ABHD15: variants seen among roughly 807,000 people sequenced by gnomAD.
The protein encoded by ABHD15 is protein ABHD15.
ABHD15 carries 34 observed loss-of-function variants against 34.4 expected under a neutral mutation model. That is an observed-to-expected ratio of 0.99 (90% CI 0.75 to 1.32). The LOEUF (loss-of-function observed/expected upper bound fraction) is 1.32. Ranked by LOEUF, ABHD15 falls within the 40% of genes most tolerant of loss-of-function variation. The probability of loss-of-function intolerance (pLI) is 0.00; values close to 1 mark genes in which losing one functional copy is unlikely to be tolerated. For synonymous variants in ABHD15, 314 were observed against 299.2 expected, an observed-to-expected ratio of 1.05 and a Z score of -0.51; for missense variants, 644 against 650.4, an observed-to-expected ratio of 0.99 and a Z score of 0.11.
rs368102267 is a variant in ABHD15 at position 29,562,731 on chromosome 17, G to C, written c.1237C>G (p.Arg413Gly). 5 of 1,614,154 alleles carry C rather than the reference G, an allele frequency of 3.1e-6. No homozygotes were observed. Among genetic ancestry groups the C allele is most frequent in the Non-Finnish European group, 4.2e-6 (5 of 1,180,018 alleles). ...WSHEVILESF[R>G]ALTEFFRTEE... ...GTTCGGAAGAACTCAGTCAAGGCCC[G>C]GAAGGACTCCAAGATGACCTCATGG... is the stretch of plus-strand genomic sequence containing the variant. Residue 413 changes from arginine to glycine, a missense_variant, in exon 2 of 2, where the codon CGG becomes GGG. Physicochemically the swap from Arg to Gly is moderately radical, Grantham distance 125. Coordinates refer to ENST00000307201, the MANE Select transcript of ABHD15 (RefSeq NM_198147.3).
intron 1 of ABHD15, among the ~76,000 whole-genome samples, chr17:29,564,512 G>A (rs2032673337): frequency 6.6e-6 from 1 of 152,178 alleles, no homozygotes; most frequent in African/African-American, 2.4e-5. Context: ...AGGATGAGCA[G>A]CTCCGTCTTT....
intron 1 of ABHD15, among the ~76,000 whole-genome samples, chr17:29,565,294 AATGCCTACATAT>A (rs2032684310): frequency 6.6e-6 from 1 of 152,132 alleles, no homozygotes; most frequent in Non-Finnish European, 1.5e-5. Context: ...AATTTTAATA[AATGCCTACATAT>A]ATGCGTGTGT....
At position 29,562,376 on chromosome 17, in the gene ABHD15, G is replaced by T; in HGVS notation, c.*185C>A. 1 of 630,002 alleles carries T rather than the reference G, an allele frequency of 1.6e-6. No individual in the cohort carries two copies. Among genetic ancestry groups the T allele is most frequent in the Non-Finnish European group, 2.7e-6 (1 of 374,676 alleles). 39.0% of individuals were successfully genotyped at this position (630,002 alleles called of 1,614,324 possible). A position where few individuals can be genotyped will look rare whatever the true frequency, so the allele number is the denominator to read the frequency against. ...GAGGCCAGGCAGGAGTTCTGCTGAG[G>T]ATGAAGTGAGTGCAGGCTCGCAGGA... is the stretch of plus-strand genomic sequence containing the variant. On this transcript the variant is annotated 3_prime_UTR_variant, in exon 2 of 2. Transcript: ENST00000307201.
At position 29,561,261 on chromosome 17, in the gene ABHD15, T is replaced by G. The variant is rs2150787935; in HGVS notation, c.*1300A>C. 1 of 152,316 alleles carries G rather than the reference T, an allele frequency of 6.6e-6. No individual in the cohort carries two copies. Among genetic ancestry groups the G allele is most frequent in the East Asian group, 1.9e-4 (1 of 5,188 alleles). 9.4% of individuals were successfully genotyped at this position (152,316 alleles called of 1,614,324 possible). A position where few individuals can be genotyped will look rare whatever the true frequency, so the allele number is the denominator to read the frequency against. ...TTAAAATAAAACTTCAGGGCAAAGT[T>G]TTTGAATCTTAGCAACACATGGAAA... is the stretch of plus-strand genomic sequence containing the variant. On this transcript the variant is annotated 3_prime_UTR_variant, in exon 2 of 2. Coordinates refer to ENST00000307201, the MANE Select transcript of ABHD15 (RefSeq NM_198147.3).
rs528883814 is a variant in ABHD15 at position 29,566,286 on chromosome 17, C to T, written c.681G>A (p.Pro227=). The T allele has an allele frequency of 2.5e-6, 4 of 1,611,234 alleles. No individual in the cohort carries two copies. In the East Asian group the frequency reaches 8.9e-5, roughly 36 times the overall value. ...EAVTYIRFRH[P]AAPLFAVSEG... is the part of the protein sequence containing the mutation. ...CGCTCACCGCGAACAGCGGCGCCGC[C>T]GGGTGTCGGAAGCGGATGTATGTGA... The change falls in exon 1 of 2, where the codon CCG becomes CCA. Residue 227 remains proline (P), a synonymous_variant. Transcript: ENST00000307201.
rs761543988 is a variant in ABHD15, at chr17:29,562,780, G to A, written c.1188C>T (p.Arg396=). The A allele has an allele frequency of 3.1e-6, 5 of 1,613,532 alleles. No individual in the cohort carries two copies. Among genetic ancestry groups the A allele is most frequent in the Non-Finnish European group, 4.2e-6 (5 of 1,179,634 alleles). The change falls in exon 2 of 2, where the codon CGC becomes CGT. Residue 396 remains arginine (R), a synonymous_variant. Coordinates refer to ENST00000307201, the MANE Select transcript of ABHD15 (RefSeq NM_198147.3). ...GGCTCCAGGCTGGCAAGGGCTCCTG[G>A]CGCAGGAAGCCACAGTGGCCTCCGT... ...SRHGGHCGFL[R]QEPLPAWSHE...
Position 29,562,582 on chromosome 17 carries a change from C to T in ABHD15, c.1386G>A (p.Trp462Ter), listed in dbSNP as rs2032640580. ...TCTTTCACCTTGTGTATGATCGCTT[C>T]CAGTTAAAGATCTCCTCCAGGTTGG... ...SSSNLEEIFNWKRSYTR is the reference protein window; with the variant it reads ...SSSNLEEIFN Residue 462 changes from tryptophan to a stop codon, truncating the protein, a stop_gained, in exon 2 of 2, where the codon TGG (tryptophan) becomes TGA (stop). Transcript: ENST00000307201. LOFTEE classifies it high-confidence loss of function. The T allele has an allele frequency of 6.2e-7, 1 of 1,613,530 alleles. No individual in the cohort carries two copies. Among genetic ancestry groups the T allele is most frequent in the Admixed American group, 1.7e-5 (1 of 59,990 alleles).
intron 1 of ABHD15, 129 bp from the exon 2 acceptor site, chr17:29,563,215 T>A: frequency 9.3e-7 from 1 of 1,078,684 alleles, no homozygotes; most frequent in Non-Finnish European, 1.3e-6. Context: ...TTTGGCCATT[T>A]AGGGCTTCGA....
At chr17:29,563,864 A>G (rs751032582) in intron 1 of ABHD15, among the ~76,000 whole-genome samples, 2 of 151,694 alleles carry the variant, frequency 1.3e-5, no homozygotes, top group Non-Finnish European at 2.9e-5. Flanking sequence ...ATCTCAAAAA[A>G]TAAATAAATA....
intron 1 of ABHD15, among the ~76,000 whole-genome samples, chr17:29,564,255 T>C (rs1036369186): frequency 5.9e-5 from 9 of 152,380 alleles, no homozygotes; most frequent in African/African-American, 1.7e-4. Context: ...ATTCATTGTT[T>C]TTATTTTTGC....
Position 29,567,030 on chromosome 17 carries a change from C to A in ABHD15, c.-64G>T. On this transcript the variant is annotated 5_prime_UTR_variant, in exon 1 of 2. Coordinates refer to ENST00000307201, the MANE Select transcript of ABHD15 (RefSeq NM_198147.3). This position sits in a 1 kb window ranked among gnomAD's most constrained non-coding sequence, Gnocchi z 6.6. ...GGCCGTCTACTCGGCGAGCTCCGCG[C>A]TTTGCCCGCGGCTCCGCCCGCCGGC... The A allele has an allele frequency of 8.2e-7, 1 of 1,214,926 alleles. No homozygotes were observed. Among genetic ancestry groups the A allele is most frequent in the Non-Finnish European group, 1.0e-6 (1 of 977,740 alleles). The allele number at this position is 1,214,926 out of a possible 1,614,324, so 75.3% of individuals were successfully genotyped here.
rs528295926 is a variant in ABHD15 at position 29,563,861 on chromosome 17, AAAATAAAT to A, written c.882-783_882-776del. On this transcript the variant is annotated intron_variant, in intron 1 of 1. Coordinates refer to ENST00000307201, the MANE Select transcript of ABHD15 (RefSeq NM_198147.3). ...CTGACAGAGCGAGACTCCATCTCAAAAAATAAATAAATAAATAAATAAAATAATAAAAT... is the reference window on the plus strand; with the variant it reads ...CTGACAGAGCGAGACTCCATCTCAAAAAATAAATAAATAAAATAATAAAAT... Among the ~76,000 whole-genome samples the A allele has an allele frequency of 4.6e-5, 7 of 152,142 alleles. No individual in the cohort carries two copies. The South Asian group carries it at 6.2e-4, about 13-fold the overall frequency.
At chr17:29,564,440 C>T (rs749513942) in intron 1 of ABHD15, among the ~76,000 whole-genome samples, 1 of 152,168 alleles carries the variant, frequency 6.6e-6, no homozygotes, top group Non-Finnish European at 1.5e-5. Flanking sequence ...CTTTGGGTAA[C>T]AGGGAACATC....
rs777371076 is a variant in ABHD15 at position 29,562,643 on chromosome 17, C to G, written c.1325G>C (p.Gly442Ala). Residue 442 changes from glycine to alanine, a missense_variant, in exon 2 of 2, where the codon GGG becomes GCG. Transcript: ENST00000307201. ...RASFLGGRRR[G>A]GALQRREVSS... is the part of the protein sequence containing the mutation. ...GACTTCCCGCCTCTGCAAGGCTCCCCCACGACGACGGCCCCCAAGGAAGGA... is the reference window on the plus strand; with the variant it reads ...GACTTCCCGCCTCTGCAAGGCTCCCGCACGACGACGGCCCCCAAGGAAGGA... 1.9e-6 allele frequency: 3 copies of G among 1,614,088 alleles called. No individual in the cohort carries two copies. The highest frequency in any genetic ancestry group is 2.5e-6 in the Non-Finnish European group (3 of 1,180,028).
At position 29,565,043 on chromosome 17, in the gene ABHD15, T is replaced by C. The variant is rs544631916; in HGVS notation, c.881+1043A>G. Among the ~76,000 whole-genome samples the C allele has an allele frequency of 3.3e-4, 50 of 152,090 alleles. No homozygotes were observed. The South Asian group carries it at 9.8e-3, about 30-fold the overall frequency. On this transcript the variant is annotated intron_variant, in intron 1 of 1. Transcript: ENST00000307201. ...CTGGGGCAGGCGGATCACTTGACAT[T>C]AGGGGTTCCAGACCAGCCTGGCAAA...
rs758180259 is a variant in ABHD15, at chr17:29,566,407, T to C, written c.560A>G (p.Tyr187Cys). The C allele has an allele frequency of 2.5e-6, 4 of 1,611,640 alleles. No individual in the cohort carries two copies. The African/African-American group carries it at 4.0e-5, about 16-fold the overall frequency. Reference sequence around the variant, plus strand: ...GCCGCGGCGATGGAAGATGACCGGGTAGTAGCCGCGCTCCAGGGCGAGCAA... The same window carrying C: ...GCCGCGGCGATGGAAGATGACCGGGCAGTAGCCGCGCTCCAGGGCGAGCAA... ...LCLLALERGY[Y>C]PVIFHRRGHH... is the part of the protein sequence containing the mutation. Residue 187 changes from tyrosine to cysteine, a missense_variant, in exon 1 of 2, where the codon TAC (tyrosine) becomes TGC (cysteine). Physicochemically the swap from Tyr to Cys is radical, Grantham distance 194. Coordinates refer to ENST00000307201, the MANE Select transcript of ABHD15 (RefSeq NM_198147.3).
rs772479385 is a variant in ABHD15 at position 29,562,526 on chromosome 17, C to A, written c.*35G>T. 8 of 1,576,036 alleles carry A rather than the reference C, an allele frequency of 5.1e-6. No homozygotes were observed. Among genetic ancestry groups the A allele is most frequent in the Non-Finnish European group, 5.2e-6 (6 of 1,160,800 alleles). Reference sequence around the variant, plus strand: ...CTCCCCCTTGCCCAGCTCTGTTTTTCTTTGCAGGACTTGGGGGTTCTCAGG... The same window carrying A: ...CTCCCCCTTGCCCAGCTCTGTTTTTATTTGCAGGACTTGGGGGTTCTCAGG... On this transcript the variant is annotated 3_prime_UTR_variant, in exon 2 of 2. Transcript: ENST00000307201.
chr17:29,567,001 G>C lies in ABHD15; in HGVS notation c.-35C>G. The C allele has an allele frequency of 7.8e-7, 1 of 1,275,860 alleles. No individual in the cohort carries two copies. Among genetic ancestry groups the C allele is most frequent in the Non-Finnish European group, 9.8e-7 (1 of 1,015,742 alleles). The allele number at this position is 1,275,860 out of a possible 1,614,324, so 79.0% of individuals were successfully genotyped here. ...GGAGAGCCCCGGCGGGCAGCGGGCG[G>C]CGGGGCCGTCTACTCGGCGAGCTCC... is the stretch of plus-strand genomic sequence containing the variant. On this transcript the variant is annotated 5_prime_UTR_variant, in exon 1 of 2. Transcript: ENST00000307201. The surrounding 1 kb of genome is among the most constrained non-coding windows in gnomAD (Gnocchi z 6.6).
intron 1 of ABHD15, 66 bp from the exon 2 acceptor site, chr17:29,563,152 G>A (rs2032655326): frequency 1.3e-6 from 2 of 1,520,284 alleles, no homozygotes; most frequent in South Asian, 2.5e-5. Flanking sequence ...TCAGGTGACA[G>A]CAGATGAGAC....
Sources: gnomAD v4.1 joint callset for allele counts (sites outside exome capture counted in the v4.1 genomes callset) on GRCh38, gnomAD v4.1.1 for gene constraint, Gnocchi (gnomAD v3.1) non-coding constraint, MANE v1.5 for transcripts, NCBI Gene and HGNC (gene_info 2026-07-23, HGNC 2026-07-21) for gene names.